Variants in WIZ observed in about 807,000 individuals in gnomAD.
The protein encoded by WIZ is protein Wiz.
WIZ carries 25 observed loss-of-function variants against 140.2 expected under a neutral mutation model. The observed-to-expected ratio is 0.18, with a 90% CI of 0.13 to 0.25. The LOEUF (loss-of-function observed/expected upper bound fraction) is 0.25. Among genes scored for constraint, WIZ ranks in the 10% least tolerant of loss-of-function variants. The pLI is 1.00. For synonymous variants in WIZ, 1,125 were observed against 1,154.3 expected, an observed-to-expected ratio of 0.97 and a Z score of 0.51; for missense variants, 2,231 against 2,632.6, an observed-to-expected ratio of 0.85 and a Z score of 3.34.
chr19:15,438,611 G>A lies in WIZ; in HGVS notation c.2383C>T (p.Arg795Cys), dbSNP rs1969602307. The change falls in exon 4 of 13, where the codon CGC becomes TGC. Residue 795 changes from arginine to cysteine, a missense_variant. Transcript: ENST00000673675. ...TTCTTCTTCTGGAAGGAGAACCTGC[G>A]CTCAATGGCCTTCACCTCCTCAGCG... is the stretch of plus-strand genomic sequence containing the variant. ...ISAEEVKAIE[R>C]RFSFQKKKKK... 4.6e-6 allele frequency: 7 copies of A among 1,518,242 alleles called. No homozygotes were observed. The highest frequency in any genetic ancestry group is 4.9e-5 in the East Asian group (2 of 40,440). The allele number at this position is 1,518,242 out of a possible 1,614,324, so 94.0% of individuals were successfully genotyped here. A position where few individuals can be genotyped will look rare whatever the true frequency, so the allele number is the denominator to read the frequency against.
chr19:15,441,768 C>G (rs1032207327), intron 3 of WIZ, among the ~76,000 whole-genome samples: 1 of 152,190 alleles, frequency 6.6e-6, no homozygotes, highest in Non-Finnish European at 1.5e-5. Context: ...GGACCATCCT[C>G]CTGGGGCTGT....
chr19:15,449,277 T>C (rs1970026963), intron 1 of WIZ, among the ~76,000 whole-genome samples: 1 of 151,436 alleles, frequency 6.6e-6, no homozygotes, highest in African/African-American at 2.4e-5. Context: ...CCAGGCCTGG[T>C]TGCAGGCGCT....
Position 15,429,782 on chromosome 19 carries a change from C to A in WIZ, c.3219G>T (p.Ser1073=), listed in dbSNP as rs1336559618. Residue 1073 remains serine, a synonymous_variant, in exon 7 of 13, where the codon TCG becomes TCT. Transcript: ENST00000673675. ...DAPAVNKAIK[S]PPGFSAKGLG... is the part of the protein sequence containing the mutation. ...GGCCCTTGGCCGAGAAGCCGGGAGGCGACTTGATGGCTTTGTTGACAGCAG... is the reference window on the plus strand; with the variant it reads ...GGCCCTTGGCCGAGAAGCCGGGAGGAGACTTGATGGCTTTGTTGACAGCAG... 6.6e-7 allele frequency: 1 copy of A among 1,516,642 alleles called. No homozygotes were observed. The highest frequency in any genetic ancestry group is 2.1e-5 in the Admixed American group (1 of 48,760). 93.9% of individuals were successfully genotyped at this position (1,516,642 alleles called of 1,614,324 possible). A position where few individuals can be genotyped will look rare whatever the true frequency, so the allele number is the denominator to read the frequency against.
Position 15,439,029 on chromosome 19 carries a change from C to T in WIZ, c.1965G>A (p.Leu655=). 1 of 1,497,688 alleles carries T rather than the reference C, an allele frequency of 6.7e-7. No homozygotes were observed. Among genetic ancestry groups the T allele is most frequent in the East Asian group, 2.5e-5 (1 of 40,614 alleles). 92.8% of individuals were successfully genotyped at this position (1,497,688 alleles called of 1,614,324 possible). ...ATPSLIPQAA[L]ELKQAFREAL... Reference sequence around the variant, plus strand: ...CCTCTCGGAATGCCTGCTTCAGCTCCAGGGCCGCCTGCGGGATGAGGCTGG... The same window carrying T: ...CCTCTCGGAATGCCTGCTTCAGCTCTAGGGCCGCCTGCGGGATGAGGCTGG... The change falls in exon 4 of 13, where the codon CTG becomes CTA. Residue 655 remains leucine (L), a synonymous_variant. Transcript: ENST00000673675. This position sits in a 1 kb window ranked among gnomAD's most constrained non-coding sequence, Gnocchi z 7.0.
Position 15,437,076 on chromosome 19 carries a change from C to A in WIZ, c.2470G>T (p.Ala824Ser), listed in dbSNP as rs1969545247. Residue 824 changes from alanine (A) to serine (S), a missense_variant, in exon 5 of 13, where the codon GCT (alanine) becomes TCT (serine). Physicochemically the swap from Ala to Ser is moderately conservative, Grantham distance 99. Coordinates refer to ENST00000673675, the MANE Select transcript of WIZ (RefSeq NM_001371589.1). ...AGGCCGGCCCGTGTGTCGAAGCCAGCCCCGCAGAAGTCACAGCGCATCAGG... is the reference window on the plus strand; with the variant it reads ...AGGCCGGCCCGTGTGTCGAAGCCAGACCCGCAGAAGTCACAGCGCATCAGG... ...FSLMRCDFCG[A>S]GFDTRAGLSS... 1.2e-6 allele frequency: 2 copies of A among 1,613,124 alleles called. No homozygotes were observed. Among genetic ancestry groups the A allele is most frequent in the African/African-American group, 1.3e-5 (1 of 75,012 alleles).
chr19:15,427,329 G>A lies in WIZ; in HGVS notation c.4019C>T (p.Pro1340Leu). Residue 1340 changes from proline to leucine, a missense_variant, in exon 9 of 13, where the codon CCA becomes CTA. Transcript: ENST00000673675. The surrounding 1 kb of genome is among the most constrained non-coding windows in gnomAD (Gnocchi z 6.4). Reference protein sequence around the residue: ...TQSRPGGPPNPPGPSPKALAK... With the variant: ...TQSRPGGPPNLPGPSPKALAK... ...CAGGGCTTTTGGGCTTGGCCCTGGT[G>A]GGTTGGGAGGTCCACCAGGCCGAGA... 6.2e-7 allele frequency: 1 copy of A among 1,613,658 alleles called. No individual in the cohort carries two copies. Among genetic ancestry groups the A allele is most frequent in the Non-Finnish European group, 8.5e-7 (1 of 1,179,918 alleles).
chr19:15,445,785 C>T (rs1039630244), intron 2 of WIZ, among the ~76,000 whole-genome samples: 21 of 152,028 alleles, frequency 1.4e-4, no homozygotes, highest in South Asian at 1.0e-3. Context: ...ACAGCCGTAA[C>T]GGGGGACAGA....
chr19:15,435,258 C>G (rs1969479684), intron 5 of WIZ, among the ~76,000 whole-genome samples: 1 of 151,780 alleles, frequency 6.6e-6, no homozygotes, highest in Admixed American at 6.6e-5. Flanking sequence ...ACACAGCAAT[C>G]TTAGTTGTAC....
intron 9 of WIZ, among the ~76,000 whole-genome samples, chr19:15,426,156 T>C (rs1372328599): frequency 2.0e-5 from 3 of 151,928 alleles, no homozygotes; most frequent in African/African-American, 7.3e-5. Context: ...TCTGAGCCTG[T>C]TTCCTCCGCT....
Position 15,440,670 on chromosome 19 carries a change from T to C in WIZ, c.324A>G (p.Pro108=). Residue 108 remains proline, a synonymous_variant, in exon 4 of 13, where the codon CCA becomes CCG. Transcript: ENST00000673675. This position sits in a 1 kb window ranked among gnomAD's most constrained non-coding sequence, Gnocchi z 6.2. The part of the protein sequence containing the change: ...GSLDFRPGSP[P]PHLLGHFPGT... Reference sequence around the variant, plus strand: ...CTGGGAAATGGCCCAGGAGATGGGGTGGTGGGGAGCCCGGCCGGAAGTCCA... The same window carrying C: ...CTGGGAAATGGCCCAGGAGATGGGGCGGTGGGGAGCCCGGCCGGAAGTCCA... 1.3e-6 allele frequency: 2 copies of C among 1,518,852 alleles called. No individual in the cohort carries two copies. Among genetic ancestry groups the C allele is most frequent in the Admixed American group, 2.0e-5 (1 of 49,692 alleles). 94.1% of individuals were successfully genotyped at this position (1,518,852 alleles called of 1,614,324 possible).
Position 15,439,403 on chromosome 19 carries a change from A to T in WIZ, c.1591T>A (p.Ser531Thr). 1 of 1,528,370 alleles carries T rather than the reference A, an allele frequency of 6.5e-7. No individual in the cohort carries two copies. Among genetic ancestry groups the T allele is most frequent in the Non-Finnish European group, 8.8e-7 (1 of 1,141,636 alleles). 94.7% of individuals were successfully genotyped at this position (1,528,370 alleles called of 1,614,324 possible). A position where few individuals can be genotyped will look rare whatever the true frequency, so the allele number is the denominator to read the frequency against. Reference sequence around the variant, plus strand: ...TTCTCCCGCCACATGGGGGCCAAGGACGGCTCAGCTTTGCCAAAGTAGTCC... The same window carrying T: ...TTCTCCCGCCACATGGGGGCCAAGGTCGGCTCAGCTTTGCCAAAGTAGTCC... ...AVDYFGKAEPSLAPMWRENPA... is the reference protein window; with the variant it reads ...AVDYFGKAEPTLAPMWRENPA... Residue 531 changes from serine to threonine, a missense_variant, in exon 4 of 13, where the codon TCC (serine) becomes ACC (threonine). This residue lies in a region of WIZ where 475 missense variants were observed against 520.2 expected (regional missense o/e 0.91). Coordinates refer to ENST00000673675, the MANE Select transcript of WIZ (RefSeq NM_001371589.1). The surrounding 1 kb of genome is among the most constrained non-coding windows in gnomAD (Gnocchi z 7.0).
intron 5 of WIZ, among the ~76,000 whole-genome samples, chr19:15,431,599 G>GCAGGGAGT (rs1568301308): frequency 6.6e-6 from 1 of 152,138 alleles, no homozygotes; most frequent in Non-Finnish European, 1.5e-5. Context: ...CCACACAGAG[G>GCAGGGAGT]CAGGGAGCCA....
rs573655923 is a variant in WIZ, at chr19:15,440,399, C to A, written c.595G>T (p.Ala199Ser). Reference sequence around the variant, plus strand: ...GCAGGCAGGTCCAAGTGCAGCCCTGCGTCCTGGGGGGATCCCTGCTCGTCC... The same window carrying A: ...GCAGGCAGGTCCAAGTGCAGCCCTGAGTCCTGGGGGGATCCCTGCTCGTCC... ...DEDEQGSPQD[A>S]GLHLDLPAQP... Residue 199 changes from alanine (A) to serine (S), a missense_variant, in exon 4 of 13, where the codon GCA (alanine) becomes TCA (serine). Coordinates refer to ENST00000673675, the MANE Select transcript of WIZ (RefSeq NM_001371589.1). The surrounding 1 kb of genome is among the most constrained non-coding windows in gnomAD (Gnocchi z 6.2). 5 of 1,534,794 alleles carry A rather than the reference C, an allele frequency of 3.3e-6. No homozygotes were observed. The highest frequency in any genetic ancestry group is 4.4e-6 in the Non-Finnish European group (5 of 1,145,918).
chr19:15,437,116 G>C lies in WIZ; in HGVS notation c.2430C>G (p.Asp810Glu). The change falls in exon 5 of 13, where the codon GAC becomes GAG. Residue 810 changes from aspartate (D) to glutamate (E), a missense_variant. Transcript: ENST00000673675. ...AGCGCATCAGGCTGAAGGTGCCTGGGTCAAAGTTGGCCACTGTGGAGAGAG... is the reference window on the plus strand; with the variant it reads ...AGCGCATCAGGCTGAAGGTGCCTGGCTCAAAGTTGGCCACTGTGGAGAGAG... ...QKKKKKVANFDPGTFSLMRCD... is the reference protein window; with the variant it reads ...QKKKKKVANFEPGTFSLMRCD... 6.2e-7 allele frequency: 1 copy of C among 1,601,346 alleles called. No homozygotes were observed. The highest frequency in any genetic ancestry group is 1.1e-5 in the South Asian group (1 of 89,422).
intron 7 of WIZ, among the ~76,000 whole-genome samples, chr19:15,429,351 G>A (rs186664976): frequency 6.6e-6 from 1 of 152,346 alleles, no homozygotes; most frequent in East Asian, 1.9e-4. Flanking sequence ...GCCGCAGTGA[G>A]GCTTTCAGGG....
rs753696631 is a variant in WIZ, at chr19:15,439,961, G to T, written c.1033C>A (p.Pro345Thr). 3.5e-5 allele frequency: 54 copies of T among 1,535,512 alleles called. No individual in the cohort carries two copies. The Admixed American group carries it at 5.1e-4, about 15-fold the overall frequency. Residue 345 changes from proline (P) to threonine (T), a missense_variant, in exon 4 of 13, where the codon CCC becomes ACC. By Grantham distance (38) the Pro-to-Thr change is conservative. Coordinates refer to ENST00000673675, the MANE Select transcript of WIZ (RefSeq NM_001371589.1). This position sits in a 1 kb window ranked among gnomAD's most constrained non-coding sequence, Gnocchi z 7.0. ...SQHRRAPGQE[P>T]PADLAPLACG... is the part of the protein sequence containing the mutation. ...GCCAGCGGGGCCAGGTCCGCAGGGG[G>T]CTCCTGGCCCGGGGCTCGGCGGTGC...
intron 7 of WIZ, among the ~76,000 whole-genome samples, 183 bp downstream of exon 7, chr19:15,429,403 A>G (rs2145270132): frequency 6.6e-6 from 1 of 152,304 alleles, no homozygotes; most frequent in Admixed American, 6.5e-5. Flanking sequence ...TCCACATCCA[A>G]GGCGGCCCAA....
At position 15,442,875 on chromosome 19, in the gene WIZ, G is replaced by A; in HGVS notation, c.206-127C>T. The A allele has an allele frequency of 2.1e-6, 1 of 477,442 alleles. No homozygotes were observed. Among genetic ancestry groups the A allele is most frequent in the Non-Finnish European group, 3.3e-6 (1 of 298,814 alleles). The allele number at this position is 477,442 out of a possible 1,614,324, so 29.6% of individuals were successfully genotyped here. On this transcript the variant is annotated intron_variant, in intron 2 of 12. Coordinates refer to ENST00000673675, the MANE Select transcript of WIZ (RefSeq NM_001371589.1). This position sits in a 1 kb window ranked among gnomAD's most constrained non-coding sequence, Gnocchi z 5.5. ...GCTGGCTCCCAGTTCCTCTCCCTGA[G>A]AGGCCCGTGGCCTCTGTGGTCCTGA...
At chr19:15,431,858 T>G (rs982265478) in intron 5 of WIZ, among the ~76,000 whole-genome samples, 4 of 152,198 alleles carry the variant, frequency 2.6e-5, no homozygotes, top group Non-Finnish European at 5.9e-5. Context: ...GAGGAGTGTG[T>G]GGCAGAGGGA....
Sources: gnomAD v4.1 joint callset for allele counts (sites outside exome capture counted in the v4.1 genomes callset) on GRCh38, gnomAD v4.1.1 for gene constraint, gnomAD v4.1.1 regional missense constraint, Gnocchi (gnomAD v3.1) non-coding constraint, MANE v1.5 for transcripts, NCBI Gene and HGNC (gene_info 2026-07-23, HGNC 2026-07-21) for gene names.